KCNH7: variants seen among roughly 807,000 people sequenced by gnomAD.
KCNH7 encodes the protein potassium voltage-gated channel subfamily H member 7, also known as voltage-gated inwardly rectifying potassium channel KCNH7.
KCNH7 carries 49 observed loss-of-function variants against 120.8 expected under a neutral mutation model. The ratio of observed to expected loss-of-function variants is 0.41; its 90% CI spans 0.32 to 0.51. The LOEUF is 0.51. Among genes scored for constraint, KCNH7 ranks in the 20% least tolerant of loss-of-function variants. The pLI, the probability that KCNH7 is intolerant of heterozygous loss-of-function variation, is 0.38. For missense variants in KCNH7, 1,097 were observed against 1,446.6 expected (o/e 0.76, Z 3.92); for synonymous variants, 547 against 516.1 (o/e 1.06, Z -0.81).
In KCNH7 at chr2:162,707,730, G is replaced by A. The variant is rs540350575; in HGVS notation, c.307+128807C>T. Reference sequence around the variant, plus strand: ...AAAATGCAAGGTAGGGAAGGATACAGTAGAAGTGAAAAAGAGACATCACTG... The same window carrying A: ...AAAATGCAAGGTAGGGAAGGATACAATAGAAGTGAAAAAGAGACATCACTG... On this transcript the variant is annotated intron_variant, in intron 2 of 15. Coordinates refer to ENST00000332142, the MANE Select transcript of KCNH7 (RefSeq NM_033272.4). Among the ~76,000 whole-genome samples the A allele has an allele frequency of 6.4e-4, 97 of 152,146 alleles. 1 individual carries two copies. The highest frequency in any genetic ancestry group is 1.0e-3 in the Non-Finnish European group (69 of 67,964).
intron 2 of KCNH7, among the ~76,000 whole-genome samples, chr2:162,759,095 G>C (rs1256273320): frequency 2.6e-5 from 4 of 152,042 alleles, no homozygotes; most frequent in Admixed American, 1.3e-4. Context: ...CTAAAGATTG[G>C]GCCTGGGTTT....
Position 162,540,638 on chromosome 2 carries a change from C to T in KCNH7, c.308-3558G>A, listed in dbSNP as rs554354165. ...AGGGCTGTGTATGGTTGTTGTGGGACAGGGCAAGGTGGGGAGAGTAGGCAA... is the reference window on the plus strand; with the variant it reads ...AGGGCTGTGTATGGTTGTTGTGGGATAGGGCAAGGTGGGGAGAGTAGGCAA... On this transcript the variant is annotated intron_variant, in intron 2 of 15. Transcript: ENST00000332142. Among the ~76,000 whole-genome samples, 7 of 152,036 alleles carry T rather than the reference C, an allele frequency of 4.6e-5. No homozygotes were observed. The South Asian group carries it at 1.5e-3, about 32-fold the overall frequency.
At chr2:162,531,919 C>G (rs1309037770) in intron 3 of KCNH7, among the ~76,000 whole-genome samples, 1 of 151,822 alleles carries the variant, frequency 6.6e-6, no homozygotes. Context: ...CCATGTTTTT[C>G]ATTATACGCA....
intron 2 of KCNH7, among the ~76,000 whole-genome samples, chr2:162,593,293 T>A (rs994755378): frequency 1.3e-5 from 2 of 152,080 alleles, no homozygotes; most frequent in African/African-American, 4.8e-5. Flanking sequence ...TAGTTCCACT[T>A]TTCCTCCTCT....
At chr2:162,580,955 G>C (rs1050417003) in intron 2 of KCNH7, among the ~76,000 whole-genome samples, 1 of 151,942 alleles carries the variant, frequency 6.6e-6, no homozygotes, top group Non-Finnish European at 1.5e-5. Flanking sequence ...TTTGAAATGT[G>C]GTAGAATTTA....
At chr2:162,752,255 A>C (rs1300416119) in intron 2 of KCNH7, among the ~76,000 whole-genome samples, 1 of 152,106 alleles carries the variant, frequency 6.6e-6, no homozygotes, top group Non-Finnish European at 1.5e-5. Context: ...GGAAGGAAAA[A>C]ATTTTTAGCT....
intron 5 of KCNH7, among the ~76,000 whole-genome samples, 176 bp from the exon 6 acceptor site, chr2:162,504,833 G>T (rs759489847): frequency 6.6e-6 from 1 of 151,964 alleles, no homozygotes; most frequent in Non-Finnish European, 1.5e-5. Flanking sequence ...ACATGGAATG[G>T]CATGTGAGTA....
intron 7 of KCNH7, among the ~76,000 whole-genome samples, chr2:162,444,214 A>G (rs1175146949): frequency 6.6e-6 from 1 of 152,094 alleles, no homozygotes; most frequent in African/African-American, 2.4e-5. Flanking sequence ...CTCTTCCTCA[A>G]TTCTAGAATG....
At chr2:162,392,021 A>T (rs946039133) in intron 12 of KCNH7, among the ~76,000 whole-genome samples, 1 of 152,052 alleles carries the variant, frequency 6.6e-6, no homozygotes, top group African/African-American at 2.4e-5. Flanking sequence ...TAATTAGTCC[A>T]ATTCAAGAAA....
intron 2 of KCNH7, among the ~76,000 whole-genome samples, chr2:162,674,900 G>T (rs890004415): frequency 7.3e-5 from 11 of 151,570 alleles, no homozygotes; most frequent in Non-Finnish European, 7.4e-5. Context: ...AATAAGGAAA[G>T]ATTTATTAAT....
chr2:162,723,315 G>A (rs1444498201), intron 2 of KCNH7, among the ~76,000 whole-genome samples: 1 of 152,090 alleles, frequency 6.6e-6, no homozygotes, highest in Non-Finnish European at 1.5e-5. Context: ...AACTCCACAG[G>A]CCTCTCAAAT....
intron 6 of KCNH7, among the ~76,000 whole-genome samples, chr2:162,498,270 T>G (rs752861455): frequency 2.0e-5 from 3 of 152,248 alleles, no homozygotes; most frequent in Non-Finnish European, 4.4e-5. Flanking sequence ...ATACTAAGTT[T>G]AAAGGAAATG....
At chr2:162,584,900 GC>G (rs1341731073) in intron 2 of KCNH7, among the ~76,000 whole-genome samples, 2 of 137,050 alleles carry the variant, frequency 1.5e-5, no homozygotes, top group African/African-American at 2.8e-5. Context: ...TCAATCCCCA[GC>G]TTTTTTTTTT....
At chr2:162,441,162 G>GACTT (rs1294530353) in intron 7 of KCNH7, among the ~76,000 whole-genome samples, 1 of 152,076 alleles carries the variant, frequency 6.6e-6, no homozygotes, top group African/African-American at 2.4e-5. Context: ...CATCTAAGGA[G>GACTT]ACTTAGCAAC....
At chr2:162,603,536 A>T (rs1694630471) in intron 2 of KCNH7, among the ~76,000 whole-genome samples, 1 of 152,138 alleles carries the variant, frequency 6.6e-6, no homozygotes, top group African/African-American at 2.4e-5. Context: ...AATATAACAG[A>T]ACAGTTTCTA....
At chr2:162,380,997 A>G (rs978497668) in intron 13 of KCNH7, among the ~76,000 whole-genome samples, 6 of 151,988 alleles carry the variant, frequency 3.9e-5, no homozygotes, top group African/African-American at 1.4e-4. Context: ...TATATTTTAG[A>G]TGTTTTTGCT....
intron 2 of KCNH7, among the ~76,000 whole-genome samples, chr2:162,715,447 G>A (rs1416275995): frequency 6.6e-6 from 1 of 152,028 alleles, no homozygotes; most frequent in African/African-American, 2.4e-5. Context: ...ATTTGGGTGG[G>A]GACAAATATC....
chr2:162,441,013 C>T (rs949546398), intron 7 of KCNH7, among the ~76,000 whole-genome samples: 2 of 152,060 alleles, frequency 1.3e-5, no homozygotes, highest in African/African-American at 4.8e-5. Context: ...TACAAACGAA[C>T]AAATGATCAA....
chr2:162,793,124 G>T (rs1684017637), intron 2 of KCNH7, among the ~76,000 whole-genome samples: 2 of 151,964 alleles, frequency 1.3e-5, no homozygotes, highest in Non-Finnish European at 2.9e-5. Context: ...CCATAAAAAG[G>T]AATGAGATCA....
Sources: gnomAD v4.1 joint callset for allele counts (sites outside exome capture counted in the v4.1 genomes callset) on GRCh38, gnomAD v4.1.1 for gene constraint, MANE v1.5 for transcripts, NCBI Gene and HGNC (gene_info 2026-07-23, HGNC 2026-07-21) for gene names.